The following RNF185 variants were observed in gnomAD, a reference collection of about 807,000 sequenced individuals.
RNF185 encodes the protein E3 ubiquitin-protein ligase RNF185.
A neutral mutation model predicts 24.9 loss-of-function variants in RNF185; 13 were observed. The observed-to-expected ratio is 0.52, with a 90% CI of 0.34 to 0.83. The LOEUF (loss-of-function observed/expected upper bound fraction) is 0.83, where lower values mean the gene tolerates loss of function less well. Among genes scored for constraint, RNF185 ranks in the 40% least tolerant of loss-of-function variants. RNF185 has a pLI of 0.01. For missense variants in RNF185, 184 were observed against 244.7 expected, an observed-to-expected ratio of 0.75 and a Z score of 1.65; for synonymous variants, 79 against 90.3, an observed-to-expected ratio of 0.88 and a Z score of 0.71.
At chr22:31,173,350 A>G (rs1031190003) in intron 1 of RNF185, among the ~76,000 whole-genome samples, 1 of 151,822 alleles carries the variant, frequency 6.6e-6, no homozygotes, top group Non-Finnish European at 1.5e-5. Flanking sequence ...CTAGTTGGCT[A>G]TATTGAGTTG....
At chr22:31,203,647 G>C (rs1330371877) in intron 6 of RNF185, among the ~76,000 whole-genome samples, 1 of 152,194 alleles carries the variant, frequency 6.6e-6, no homozygotes, top group Non-Finnish European at 1.5e-5. Context: ...ATTTGCATGT[G>C]CAGGCCAAAC....
Position 31,186,953 on chromosome 22 carries a change from C to T in RNF185, c.-48-94C>T, listed in dbSNP as rs187319137. The T allele has an allele frequency of 1.8e-3, 1,628 of 886,390 alleles. 18 individuals carry two copies. The African/African-American group carries it at 0.019, about 10-fold the overall frequency. The allele number at this position is 886,390 out of a possible 1,614,324, so 54.9% of individuals were successfully genotyped here. A position where few individuals can be genotyped will look rare whatever the true frequency, so the allele number is the denominator to read the frequency against. ...GTCTGCTCAGGGATTCAGTCATAAT[C>T]AGCTCTGGAGCCTAGAGAAGACAGG... On this transcript the variant is annotated intron_variant, in intron 1 of 6. Coordinates refer to ENST00000326132, the MANE Select transcript of RNF185 (RefSeq NM_152267.4).
At chr22:31,193,283 A>T (rs1189425685) in intron 3 of RNF185, among the ~76,000 whole-genome samples, 1 of 152,166 alleles carries the variant, frequency 6.6e-6, no homozygotes, top group Non-Finnish European at 1.5e-5. Context: ...CAGACTGCTA[A>T]AGCTTCAGAA....
chr22:31,183,980 G>A (rs1178698404), intron 1 of RNF185, among the ~76,000 whole-genome samples: 1 of 90,474 alleles, frequency 1.1e-5, no homozygotes, highest in South Asian at 4.1e-4. Context: ...GGGCTGCCCC[G>A]AGCTCCCGGA....
chr22:31,192,727 G>C, intron 3 of RNF185, 25 bp downstream of exon 3: 1 of 1,611,418 alleles, frequency 6.2e-7, no homozygotes, highest in African/African-American at 1.3e-5. Context: ...ATTTTACTTT[G>C]TCTTTCATCA....
At chr22:31,160,347 G>A (rs2147910366) in intron 1 of RNF185, 44 bp downstream of exon 1, 1 of 152,388 alleles carries the variant, frequency 6.6e-6, no homozygotes, top group South Asian at 2.1e-4. Context: ...CAAAGTTTAG[G>A]GACGGGGGCG....
chr22:31,182,737 G>A (rs552728811), intron 1 of RNF185, among the ~76,000 whole-genome samples: 8 of 148,278 alleles, frequency 5.4e-5, no homozygotes, highest in South Asian at 2.1e-4. Flanking sequence ...GGAATATCTC[G>A]TATCTCAATC....
intron 6 of RNF185, among the ~76,000 whole-genome samples, chr22:31,203,669 A>C (rs1448646611): frequency 6.6e-6 from 1 of 152,178 alleles, no homozygotes; most frequent in Non-Finnish European, 1.5e-5. Context: ...TTTTATGATA[A>C]ATTGGACCGT....
chr22:31,163,635 G>GT (rs1923717112), intron 1 of RNF185, among the ~76,000 whole-genome samples: 1 of 146,346 alleles, frequency 6.8e-6, no homozygotes, highest in Admixed American at 6.8e-5. Flanking sequence ...GCCATGTATT[G>GT]TTTTTTAACT....
intron 1 of RNF185, among the ~76,000 whole-genome samples, chr22:31,184,980 A>ATT (rs35419857): frequency 9.5e-4 from 131 of 137,850 alleles, no homozygotes; most frequent in Middle Eastern, 4.1e-3. Context: ...ATTTTTTAAG[A>ATT]TTTTTTTTTT....
intron 1 of RNF185, among the ~76,000 whole-genome samples, chr22:31,172,426 G>A (rs2047939283): frequency 6.6e-6 from 1 of 151,672 alleles, no homozygotes; most frequent in South Asian, 2.1e-4. Context: ...TTGTCTAATA[G>A]GGGCTAGGCA....
intron 5 of RNF185, among the ~76,000 whole-genome samples, chr22:31,199,040 C>T (rs920341083): frequency 6.7e-6 from 1 of 149,788 alleles, no homozygotes; most frequent in African/African-American, 2.4e-5. Context: ...GCAGAGGTTG[C>T]AGTGAGCTGA....
chr22:31,181,999 A>G (rs2048041905), intron 1 of RNF185, among the ~76,000 whole-genome samples: 2 of 151,764 alleles, frequency 1.3e-5, no homozygotes, highest in South Asian at 4.1e-4. Flanking sequence ...AACTTAAAGT[A>G]TAATAAAAAT....
intron 1 of RNF185, among the ~76,000 whole-genome samples, chr22:31,175,393 G>A (rs143318073): frequency 1.3e-4 from 20 of 151,574 alleles, no homozygotes; most frequent in African/African-American, 4.8e-4. Flanking sequence ...GGTGGAGGTT[G>A]CAGTGAGCCG....
intron 1 of RNF185, among the ~76,000 whole-genome samples, chr22:31,167,197 A>G (rs761176974): frequency 1.1e-4 from 17 of 151,854 alleles, no homozygotes; most frequent in Non-Finnish European, 2.9e-5. Flanking sequence ...TTTTTTTGAG[A>G]TAGGGTCTCA....
chr22:31,177,967 T>G (rs903092737), intron 1 of RNF185, among the ~76,000 whole-genome samples: 1 of 152,194 alleles, frequency 6.6e-6, no homozygotes, highest in Non-Finnish European at 1.5e-5. Context: ...TCTTTCTTGC[T>G]CAATTCCTGT....
intron 2 of RNF185, among the ~76,000 whole-genome samples, chr22:31,190,912 G>C (rs1030126079): frequency 6.6e-6 from 1 of 152,126 alleles, no homozygotes; most frequent in African/African-American, 2.4e-5. Flanking sequence ...CTCTATGTTA[G>C]GTATGTTTAA....
At chr22:31,183,492 G>T (rs2048060148) in intron 1 of RNF185, among the ~76,000 whole-genome samples, 1 of 152,004 alleles carries the variant, frequency 6.6e-6, no homozygotes, top group Non-Finnish European at 1.5e-5. Context: ...ATAAACATGT[G>T]AACAAAGGTC....
chr22:31,185,464 G>A (rs2048089952), intron 1 of RNF185, among the ~76,000 whole-genome samples: 2 of 152,182 alleles, frequency 1.3e-5, no homozygotes, highest in Non-Finnish European at 1.5e-5. Context: ...GGGGCCGCTT[G>A]TTTTGGAGGT....
Sources: allele counts gnomAD v4.1 joint callset (sites outside exome capture counted in the v4.1 genomes callset), GRCh38; gene constraint gnomAD v4.1.1; transcripts MANE v1.5; gene names NCBI Gene and HGNC (gene_info 2026-07-23, HGNC 2026-07-21).